ATPAF1: variants seen among roughly 807,000 people sequenced by gnomAD.
The protein encoded by ATPAF1 is ATP synthase mitochondrial F1 complex assembly factor 1.
A neutral mutation model predicts 43.9 loss-of-function variants in ATPAF1; 26 were observed. The observed-to-expected ratio is 0.59, with a 90% CI of 0.43 to 0.82. ATPAF1 has a LOEUF of 0.82. ATPAF1 is among the 40% of genes least tolerant of loss of function. ATPAF1 has a pLI of 0.00. For missense variants in ATPAF1, 366 were observed against 435.0 expected (o/e 0.84, Z 1.41); for synonymous variants, 157 against 168.0 (o/e 0.93, Z 0.50).
At position 46,646,688 on chromosome 1, in the gene ATPAF1, C is replaced by T. The variant is rs548185371; in HGVS notation, c.589-1432G>A. 9.9e-5 allele frequency among the ~76,000 whole-genome samples: 15 copies of T among 152,156 alleles called. No homozygotes were observed. In the South Asian group the frequency reaches 3.1e-3, roughly 32 times the overall value. ...CTTGCTAGGGAAAATATTTTTTTTA[C>T]AGCTTTATTGAGGTATACTTGAAAT... is the stretch of plus-strand genomic sequence containing the variant. On this transcript the variant is annotated intron_variant, in intron 6 of 8. Transcript: ENST00000574428.
At chr1:46,666,092 G>T in intron 1 of ATPAF1, 1 of 196,608 alleles carries the variant, frequency 5.1e-6, no homozygotes, top group Non-Finnish European at 1.0e-5. Context: ...GAGTTTCATG[G>T]GTGAGGTCTG....
chr1:46,659,079 T>C (rs1676334329), intron 2 of ATPAF1, among the ~76,000 whole-genome samples: 2 of 151,268 alleles, frequency 1.3e-5, no homozygotes, highest in African/African-American at 2.4e-5. Context: ...TGATCCCAGA[T>C]ACTTGGGAGG....
rs1676020849 is a variant in ATPAF1 at position 46,645,248 on chromosome 1, AC to A, written c.596del (p.Cys199LeufsTer13). On this transcript the variant is annotated frameshift_variant, in exon 7 of 9. Transcript: ENST00000574428. LOFTEE classifies it high-confidence loss of function. ...CATAACCTTCCCTTCTTGGCAGAGC[AC>A]ATAGAAACTGTGAAAAACAGATATA... The A allele has an allele frequency of 6.2e-7, 1 of 1,612,464 alleles. No homozygotes were observed. Among genetic ancestry groups the A allele is most frequent in the Non-Finnish European group, 8.5e-7 (1 of 1,178,644 alleles).
chr1:46,667,811 C>T (rs1676516374), intron 1 of ATPAF1, among the ~76,000 whole-genome samples: 1 of 152,206 alleles, frequency 6.6e-6, no homozygotes, highest in South Asian at 2.1e-4. Context: ...AAGAGTCCAC[C>T]TTAGCGTTTG....
intron 2 of ATPAF1, among the ~76,000 whole-genome samples, chr1:46,661,223 C>A (rs768256669): frequency 2.0e-5 from 3 of 152,102 alleles, no homozygotes; most frequent in South Asian, 2.1e-4. Flanking sequence ...CAGGCATGCG[C>A]CACCATGCCT....
intron 8 of ATPAF1, among the ~76,000 whole-genome samples, chr1:46,637,815 C>A (rs556678097): frequency 1.3e-5 from 2 of 152,274 alleles, no homozygotes; most frequent in East Asian, 3.9e-4. Context: ...TCACCCAGTT[C>A]TCATTTAATA....
At chr1:46,665,543 T>G (rs371842812) in intron 1 of ATPAF1, 179 bp from the exon 2 acceptor site, 7 of 1,218,476 alleles carry the variant, frequency 5.7e-6, no homozygotes. Context: ...GAAAAAGAAA[T>G]CCTGTTATTC....
intron 6 of ATPAF1, among the ~76,000 whole-genome samples, chr1:46,647,561 T>C (rs778477317): frequency 6.6e-6 from 1 of 152,262 alleles, no homozygotes; most frequent in Non-Finnish European, 1.5e-5. Context: ...TGTGCACTAG[T>C]GACAGACATT....
intron 2 of ATPAF1, chr1:46,663,763 C>A: frequency 1.1e-6 from 1 of 922,278 alleles, no homozygotes; most frequent in East Asian, 8.3e-5. Flanking sequence ...AAGTATTTTC[C>A]AAGTAAAATA....
intron 6 of ATPAF1, among the ~76,000 whole-genome samples, chr1:46,648,387 C>T (rs1193816152): frequency 1.3e-5 from 2 of 152,162 alleles, no homozygotes; most frequent in African/African-American, 2.4e-5. Context: ...GCTGGGGTTA[C>T]ATGCGTGAGC....
intron 2 of ATPAF1, among the ~76,000 whole-genome samples, chr1:46,661,269 G>A (rs149980551): frequency 6.6e-6 from 1 of 152,270 alleles, no homozygotes; most frequent in East Asian, 1.9e-4. Context: ...TAGAGACGGG[G>A]TTTCACCGTG....
At chr1:46,665,775 A>C in intron 1 of ATPAF1, 2 of 1,498,862 alleles carry the variant, frequency 1.3e-6, no homozygotes, top group East Asian at 4.9e-5. Context: ...TGTCCCCCCA[A>C]CCAGGTTAAA....
At chr1:46,643,152 G>T in intron 8 of ATPAF1, 42 bp downstream of exon 8, 1 of 1,495,304 alleles carries the variant, frequency 6.7e-7, no homozygotes. Flanking sequence ...TACCTTCAGT[G>T]CCATGAGGTA....
chr1:46,648,382 G>C (rs951299142), intron 6 of ATPAF1, among the ~76,000 whole-genome samples: 2 of 152,056 alleles, frequency 1.3e-5, no homozygotes, highest in Admixed American at 1.3e-4. Context: ...AAAGTGCTGG[G>C]GTTACATGCG....
chr1:46,645,866 C>T (rs1676033928), intron 6 of ATPAF1, among the ~76,000 whole-genome samples: 1 of 152,156 alleles, frequency 6.6e-6, no homozygotes, highest in Admixed American at 6.5e-5. Flanking sequence ...ATGCGTATAA[C>T]TGTAAGTTAA....
chr1:46,646,706 C>G (rs1676050921), intron 6 of ATPAF1, among the ~76,000 whole-genome samples: 2 of 152,070 alleles, frequency 1.3e-5, no homozygotes, highest in South Asian at 4.1e-4. Flanking sequence ...TTGAGGTATA[C>G]TTGAAATACA....
Position 46,661,785 on chromosome 1 carries a change from C to T in ATPAF1, c.376-3048G>A, listed in dbSNP as rs549551704. Among the ~76,000 whole-genome samples, 295 of 152,134 alleles carry T rather than the reference C, an allele frequency of 1.9e-3. 1 individual carries two copies. The highest frequency in any genetic ancestry group is 3.2e-3 in the Non-Finnish European group (220 of 68,026). ...AAAATATGTGTTAGCCGTTAGCCTT[C>T]CTCTATCTAGCTAGATACAGAAGAT... On this transcript the variant is annotated intron_variant, in intron 2 of 8. Coordinates refer to ENST00000574428, the Ensembl canonical transcript of ATPAF1.
At chr1:46,666,788 G>T (rs1202581573) in intron 1 of ATPAF1, among the ~76,000 whole-genome samples, 1 of 152,214 alleles carries the variant, frequency 6.6e-6, no homozygotes, top group Non-Finnish European at 1.5e-5. Flanking sequence ...GTTATTTAGA[G>T]GTCAGTGGGG....
Position 46,653,966 on chromosome 1 carries a change from T to C in ATPAF1, c.490-99A>G. 1 of 1,123,632 alleles carries C rather than the reference T, an allele frequency of 8.9e-7. No homozygotes were observed. Among genetic ancestry groups the C allele is most frequent in the Non-Finnish European group, 1.3e-6 (1 of 772,912 alleles). The allele number at this position is 1,123,632 out of a possible 1,614,324, so 69.6% of individuals were successfully genotyped here. A position where few individuals can be genotyped will look rare whatever the true frequency, so the allele number is the denominator to read the frequency against. On this transcript the variant is annotated intron_variant, in intron 4 of 8. Coordinates refer to ENST00000574428, the Ensembl canonical transcript of ATPAF1. This position sits in a 1 kb window ranked among gnomAD's most constrained non-coding sequence, Gnocchi z 4.8. ...TTTCATTGCTCAGAGGAATATGCTA[T>C]TTGATAACAGAGAGGAAAAACCCAG...
Sources: gnomAD v4.1 joint callset for allele counts (sites outside exome capture counted in the v4.1 genomes callset) on GRCh38, gnomAD v4.1.1 for gene constraint, Gnocchi (gnomAD v3.1) non-coding constraint, MANE v1.5 for transcripts, NCBI Gene and HGNC (gene_info 2026-07-23, HGNC 2026-07-21) for gene names.